The following BANP variants were observed in gnomAD, a reference collection of about 807,000 sequenced individuals.
BANP encodes the protein BTG3 associated nuclear protein.
A neutral mutation model predicts 68.1 loss-of-function variants in BANP; 11 were observed. The ratio of observed to expected loss-of-function variants is 0.16; its 90% CI spans 0.10 to 0.27. BANP has a LOEUF of 0.27. BANP is among the 10% of genes least tolerant of loss of function. BANP has a pLI of 1.00. For synonymous variants in BANP, 329 were observed against 303.2 expected (o/e 1.09, Z -0.88); for missense variants, 504 against 722.7 (o/e 0.70, Z 3.47).
chr16:87,982,418 A>T (rs1262117449), intron 3 of BANP, among the ~76,000 whole-genome samples: 3 of 152,212 alleles, frequency 2.0e-5, no homozygotes, highest in Non-Finnish European at 4.4e-5. Context: ...CTGTGTAAAG[A>T]ATTTGAGAGC....
At chr16:88,065,589 C>T (rs758517928) in intron 12 of BANP, among the ~76,000 whole-genome samples, 6 of 152,142 alleles carry the variant, frequency 3.9e-5, no homozygotes, top group African/African-American at 7.2e-5. Flanking sequence ...GGGTGAGACG[C>T]GCTTGCCAGG....
In BANP at chr16:88,018,240, G is replaced by A. The variant is rs1470880450; in HGVS notation, c.656-188G>A. Reference sequence around the variant, plus strand: ...GGTGGTGGGATCGTGTCTGTTCCGCGTCAGTTCTTTCTTGGGCAGCAGTCG... The same window carrying A: ...GGTGGTGGGATCGTGTCTGTTCCGCATCAGTTCTTTCTTGGGCAGCAGTCG... On this transcript the variant is annotated intron_variant, in intron 6 of 13. Transcript: ENST00000682872. The surrounding 1 kb of genome is among the most constrained non-coding windows in gnomAD (Gnocchi z 7.7). Among the ~76,000 whole-genome samples the A allele has an allele frequency of 3.3e-5, 5 of 152,092 alleles. No homozygotes were observed. The highest frequency in any genetic ancestry group is 6.5e-5 in the Admixed American group (1 of 15,282).
intron 7 of BANP, among the ~76,000 whole-genome samples, chr16:88,024,967 TACTA>T (rs1466561681): frequency 6.6e-6 from 1 of 152,250 alleles, no homozygotes; most frequent in Non-Finnish European, 1.5e-5. Context: ...TCTTTCCTGT[TACTA>T]ACCCGTTTTT....
chr16:88,075,004 G>A (rs546331912), intron 13 of BANP, among the ~76,000 whole-genome samples: 1 of 152,168 alleles, frequency 6.6e-6, no homozygotes, highest in Non-Finnish European at 1.5e-5. Flanking sequence ...AGGACTTCAA[G>A]ACCAGCCTGG....
chr16:87,957,007 C>G lies in BANP; in HGVS notation c.-69+5492C>G, dbSNP rs1300094552. On this transcript the variant is annotated intron_variant, in intron 1 of 13. Transcript: ENST00000682872. This position sits in a 1 kb window ranked among gnomAD's most constrained non-coding sequence, Gnocchi z 4.3. ...TGTGCAGGAAGTGTTAACTCCTAAGCTGCCAGCAGATGGTGTGCCGAGATA... is the reference window on the plus strand; with the variant it reads ...TGTGCAGGAAGTGTTAACTCCTAAGGTGCCAGCAGATGGTGTGCCGAGATA... 6.6e-6 allele frequency: 1 copy of G among 152,250 alleles called. No individual in the cohort carries two copies. Among genetic ancestry groups the G allele is most frequent in the Non-Finnish European group, 1.5e-5 (1 of 68,062 alleles). The allele number at this position is 152,250 out of a possible 1,614,324, so 9.4% of individuals were successfully genotyped here.
chr16:88,019,402 G>A (rs1350408722), intron 7 of BANP, among the ~76,000 whole-genome samples: 2 of 151,986 alleles, frequency 1.3e-5, no homozygotes, highest in African/African-American at 2.4e-5. Flanking sequence ...GGCCCCTGGC[G>A]GGAGGGTGTG....
At chr16:88,021,858 G>C (rs2076094034) in intron 7 of BANP, among the ~76,000 whole-genome samples, 1 of 152,138 alleles carries the variant, frequency 6.6e-6, no homozygotes, top group South Asian at 2.1e-4. Flanking sequence ...AGAAGATTTT[G>C]ATTTAAGTTT....
chr16:88,008,980 A>C (rs893259527), intron 6 of BANP, among the ~76,000 whole-genome samples: 1 of 152,244 alleles, frequency 6.6e-6, no homozygotes, highest in Non-Finnish European at 1.5e-5. Context: ...CGGTGTTATG[A>C]AAATATCTGC....
At position 87,962,249 on chromosome 16, in the gene BANP, AAAAAAAAG is replaced by A. The variant is rs1225747227; in HGVS notation, c.-69+10738_-69+10745del. Among the ~76,000 whole-genome samples the A allele has an allele frequency of 9.6e-3, 1,446 of 150,976 alleles. 66 individuals carry two copies. The highest frequency in any genetic ancestry group is 0.032 in the African/African-American group (1,318 of 40,938). ...AGCGAGACTTGGTCTCAAAAAAAAA[AAAAAAAAG>A]AAAGCACATTTTTTTCCTTTATGTA... is the stretch of plus-strand genomic sequence containing the variant. On this transcript the variant is annotated intron_variant, in intron 1 of 13. Transcript: ENST00000682872.
rs1567722752 is a variant in BANP, at chr16:88,004,490, A to C, written c.479+79A>C. The C allele has an allele frequency of 1.2e-6, 1 of 813,960 alleles. No homozygotes were observed. Among genetic ancestry groups the C allele is most frequent in the South Asian group, 1.8e-5 (1 of 56,916 alleles). 50.4% of individuals were successfully genotyped at this position (813,960 alleles called of 1,614,324 possible). A position where few individuals can be genotyped will look rare whatever the true frequency, so the allele number is the denominator to read the frequency against. ...GAGAATAAGTCAACGTCCCTAAGCC[A>C]GGGCACAGTCCAGCACACGCTTCAT... On this transcript the variant is annotated intron_variant, in intron 5 of 13. Coordinates refer to ENST00000682872, the MANE Select transcript of BANP (RefSeq NM_001386991.1). This position sits in a 1 kb window ranked among gnomAD's most constrained non-coding sequence, Gnocchi z 7.0.
chr16:88,055,049 A>T (rs2084640853), intron 11 of BANP, among the ~76,000 whole-genome samples: 1 of 152,106 alleles, frequency 6.6e-6, no homozygotes, highest in African/African-American at 2.4e-5. Context: ...TGCTTAGATC[A>T]TGAATCATGA....
intron 6 of BANP, among the ~76,000 whole-genome samples, chr16:88,011,308 C>T (rs972740780): frequency 1.1e-4 from 16 of 151,516 alleles, no homozygotes; most frequent in African/African-American, 1.7e-4. Flanking sequence ...CCCTGAAAGA[C>T]GCCCTTTCCA....
In BANP at chr16:87,984,230, G is replaced by A. The variant is rs2063834188; in HGVS notation, c.333G>A (p.Gly111=). 6.2e-7 allele frequency: 1 copy of A among 1,602,820 alleles called. No individual in the cohort carries two copies. The highest frequency in any genetic ancestry group is 8.5e-7 in the Non-Finnish European group (1 of 1,174,020). Residue 111 remains glycine, a synonymous_variant, in exon 4 of 14, where the codon GGG becomes GGA. Transcript: ENST00000682872. ...QVPMVAGSPL[G]ATQTCNKVRC... The stretch of plus-strand genomic sequence containing the variant: ...CCATGGTGGCCGGCTCCCCTCTCGG[G>A]GCAACCCAGACGTGCAACAAAGTGC...
At chr16:88,068,381 G>A (rs1035769873) in intron 12 of BANP, among the ~76,000 whole-genome samples, 2 of 152,236 alleles carry the variant, frequency 1.3e-5, no homozygotes, top group Admixed American at 6.5e-5. Flanking sequence ...TCCCTGCACC[G>A]CGCAGACCAT....
At chr16:88,076,402 C>T (rs1321207328) in intron 13 of BANP, among the ~76,000 whole-genome samples, 188 bp from the exon 14 acceptor site, 4 of 152,092 alleles carry the variant, frequency 2.6e-5, no homozygotes, top group Non-Finnish European at 5.9e-5. Context: ...GGGTCGTGGG[C>T]GCGTCGTTCC....
intron 6 of BANP, among the ~76,000 whole-genome samples, chr16:88,010,633 C>G (rs145416820): frequency 5.3e-4 from 81 of 152,386 alleles, no homozygotes; most frequent in Non-Finnish European, 1.1e-3. Flanking sequence ...TGCGGATTTA[C>G]AGACCTCACA....
intron 4 of BANP, among the ~76,000 whole-genome samples, chr16:87,993,807 A>G (rs984024828): frequency 5.3e-5 from 8 of 151,956 alleles, no homozygotes; most frequent in African/African-American, 1.9e-4. Flanking sequence ...CACCATGTTG[A>G]CCAGGCTGGT....
intron 4 of BANP, among the ~76,000 whole-genome samples, chr16:87,985,194 A>G (rs2064100869): frequency 1.3e-5 from 2 of 152,284 alleles, no homozygotes; most frequent in Middle Eastern, 3.4e-3. Context: ...GCAGCTCCAC[A>G]TGACGGCTGC....
Position 88,004,519 on chromosome 16 carries a change from T to C in BANP, c.479+108T>C, listed in dbSNP as rs2152558987. The C allele has an allele frequency of 3.0e-6, 2 of 659,644 alleles. No homozygotes were observed. The highest frequency in any genetic ancestry group is 5.1e-6 in the Non-Finnish European group (2 of 393,448). 40.9% of individuals were successfully genotyped at this position (659,644 alleles called of 1,614,324 possible). On this transcript the variant is annotated intron_variant, in intron 5 of 13. Transcript: ENST00000682872. This position sits in a 1 kb window ranked among gnomAD's most constrained non-coding sequence, Gnocchi z 7.0. ...CACAGTCCAGCACACGCTTCATCTC[T>C]GTGGTCACAGGGTTGAGCCTGGCAG...
Sources: gnomAD v4.1 joint callset for allele counts (sites outside exome capture counted in the v4.1 genomes callset) on GRCh38, gnomAD v4.1.1 for gene constraint, Gnocchi (gnomAD v3.1) non-coding constraint, MANE v1.5 for transcripts, NCBI Gene and HGNC (gene_info 2026-07-23, HGNC 2026-07-21) for gene names.